Variants in EPHA6 observed in about 807,000 individuals in gnomAD.
EPHA6 encodes the protein ephrin type-A receptor 6.
Under a neutral mutation model 112.0 loss-of-function variants are expected in EPHA6, and 50 were observed. The observed-to-expected ratio is 0.45, with a 90% CI of 0.36 to 0.56. EPHA6 has a LOEUF of 0.56. EPHA6 is among the 20% of genes least tolerant of loss of function. The pLI, the probability that EPHA6 is intolerant of heterozygous loss-of-function variation, is 0.00. For synonymous variants in EPHA6, 529 were observed against 490.7 expected (o/e 1.08, Z -1.03); for missense variants, 1,280 against 1,417.4 (o/e 0.90, Z 1.56).
intron 7 of EPHA6, among the ~76,000 whole-genome samples, chr3:97,450,853 AAT>A (rs2090504356): frequency 6.6e-6 from 1 of 152,082 alleles, no homozygotes; most frequent in Admixed American, 6.6e-5. Flanking sequence ...TTAAATCAAA[AAT>A]ACAAGATTAG....
At chr3:97,723,663 A>G (rs1461504921) in intron 15 of EPHA6, among the ~76,000 whole-genome samples, 5 of 151,984 alleles carry the variant, frequency 3.3e-5, no homozygotes, top group South Asian at 2.1e-4. Context: ...TTCAAGCAAG[A>G]ATCTGGGAAA....
At chr3:97,457,557 A>T (rs1048467910) in intron 7 of EPHA6, among the ~76,000 whole-genome samples, 8 of 152,178 alleles carry the variant, frequency 5.3e-5, no homozygotes, top group African/African-American at 1.9e-4. Context: ...TTATGTCAAA[A>T]TATAAAAACA....
In EPHA6 at chr3:97,673,755, G is replaced by A. The variant is rs190361648; in HGVS notation, c.2784+35673G>A. On this transcript the variant is annotated intron_variant, in intron 14 of 17. Coordinates refer to ENST00000389672, the MANE Select transcript of EPHA6 (RefSeq NM_001080448.3). The stretch of plus-strand genomic sequence containing the variant: ...TGTCCAGGACTCAATGCGCTTCTGA[G>A]GGCATTGAGGAATGGAGGACTCATG... 1.2e-4 allele frequency among the ~76,000 whole-genome samples: 19 copies of A among 152,304 alleles called. No homozygotes were observed. The East Asian group carries it at 3.7e-3, about 29-fold the overall frequency.
intron 3 of EPHA6, among the ~76,000 whole-genome samples, chr3:97,048,842 G>A (rs1417899340): frequency 6.6e-6 from 1 of 152,072 alleles, no homozygotes; most frequent in Non-Finnish European, 1.5e-5. Context: ...AAAAACAAAT[G>A]CTGCAGAAAA....
intron 11 of EPHA6, among the ~76,000 whole-genome samples, chr3:97,573,202 G>A (rs1405447078): frequency 6.6e-6 from 1 of 152,144 alleles, no homozygotes; most frequent in Non-Finnish European, 1.5e-5. Context: ...ATAATTGTTG[G>A]ATTATTTAAA....
intron 2 of EPHA6, among the ~76,000 whole-genome samples, chr3:96,886,312 A>G (rs1293826049): frequency 6.6e-6 from 1 of 152,032 alleles, no homozygotes; most frequent in East Asian, 1.9e-4. Flanking sequence ...TATCTGTCTC[A>G]TTTCTTAGGT....
rs144107230 is a variant in EPHA6, at chr3:97,109,662, C to T, written c.1115-116602C>T. On this transcript the variant is annotated intron_variant, in intron 3 of 17. Transcript: ENST00000389672. The stretch of plus-strand genomic sequence containing the variant: ...CAGCACGGTGAGAAGCACAAAACTC[C>T]GAGATGGAGATGTCAAGAAGATGTG... Among the ~76,000 whole-genome samples the T allele has an allele frequency of 7.9e-5, 12 of 152,148 alleles. No individual in the cohort carries two copies. The East Asian group carries it at 1.9e-3, about 25-fold the overall frequency.
At chr3:97,347,116 C>T (rs1364660219) in intron 5 of EPHA6, among the ~76,000 whole-genome samples, 2 of 152,062 alleles carry the variant, frequency 1.3e-5, no homozygotes, top group Non-Finnish European at 2.9e-5. Flanking sequence ...TATTTAACAC[C>T]TCCTCTTCCC....
chr3:97,135,117 T>C (rs2075734345), intron 3 of EPHA6, among the ~76,000 whole-genome samples: 1 of 152,146 alleles, frequency 6.6e-6, no homozygotes, highest in Admixed American at 6.6e-5. Flanking sequence ...TGAGAGATGA[T>C]ACCTAGATGA....
intron 11 of EPHA6, among the ~76,000 whole-genome samples, chr3:97,561,562 G>C (rs1560139852): frequency 6.6e-6 from 1 of 152,026 alleles, no homozygotes; most frequent in East Asian, 1.9e-4. Flanking sequence ...AGCTACCAGA[G>C]ATTGCTTTAT....
intron 3 of EPHA6, among the ~76,000 whole-genome samples, chr3:97,078,094 T>C (rs2046595978): frequency 6.6e-6 from 1 of 152,180 alleles, no homozygotes; most frequent in Admixed American, 6.5e-5. Context: ...TTCTAACTGG[T>C]GTGAGATGGT....
chr3:97,520,623 T>G (rs1218257748), intron 10 of EPHA6, among the ~76,000 whole-genome samples: 1 of 152,226 alleles, frequency 6.6e-6, no homozygotes, highest in Non-Finnish European at 1.5e-5. Context: ...ACTTTTCTTT[T>G]GCTGTTTTCA....
At chr3:96,852,129 C>A (rs551105694) in intron 1 of EPHA6, among the ~76,000 whole-genome samples, 1 of 152,180 alleles carries the variant, frequency 6.6e-6, no homozygotes, top group Non-Finnish European at 1.5e-5. Flanking sequence ...TCTGGAGCAA[C>A]TGGAGTTTTA....
chr3:97,097,861 T>TG (rs2047287698), intron 3 of EPHA6, among the ~76,000 whole-genome samples: 1 of 151,854 alleles, frequency 6.6e-6, no homozygotes, highest in Non-Finnish European at 1.5e-5. Flanking sequence ...AAGTAGGCAA[T>TG]GGTTATTAAA....
At chr3:97,173,373 A>G (rs1030465794) in intron 3 of EPHA6, among the ~76,000 whole-genome samples, 2 of 151,894 alleles carry the variant, frequency 1.3e-5, no homozygotes, top group Non-Finnish European at 3.0e-5. Context: ...CCAATGTGGA[A>G]AAAATATTTA....
chr3:97,303,902 T>C (rs1405226158), intron 5 of EPHA6, among the ~76,000 whole-genome samples: 1 of 152,058 alleles, frequency 6.6e-6, no homozygotes, highest in Non-Finnish European at 1.5e-5. Flanking sequence ...TTTGTTTATG[T>C]CCTCTCTTAT....
chr3:97,660,170 T>C (rs556110675), intron 14 of EPHA6, among the ~76,000 whole-genome samples: 2 of 152,192 alleles, frequency 1.3e-5, no homozygotes, highest in South Asian at 4.1e-4. Context: ...CCATATATAA[T>C]AGCATTCATT....
intron 1 of EPHA6, among the ~76,000 whole-genome samples, chr3:96,866,572 T>A (rs2036325907): frequency 6.6e-6 from 1 of 151,846 alleles, no homozygotes; most frequent in African/African-American, 2.4e-5. Flanking sequence ...TGTTTAATAA[T>A]TTCATTTAGC....
chr3:96,938,674 CCT>C lies in EPHA6; in HGVS notation c.451-48655_451-48654del, dbSNP rs1301111447. Among the ~76,000 whole-genome samples, 7 of 151,410 alleles carry C rather than the reference CCT, an allele frequency of 4.6e-5. No homozygotes were observed. In the East Asian group the frequency reaches 1.4e-3, roughly 29 times the overall value. On this transcript the variant is annotated intron_variant, in intron 2 of 17. Coordinates refer to ENST00000389672, the MANE Select transcript of EPHA6 (RefSeq NM_001080448.3). ...AATAGGAGTGGTGAGAGAGGGCATC[CCT>C]GTCTTGTGCCAGTTTTCAAAGGGAA... is the stretch of plus-strand genomic sequence containing the variant.
Sources: allele counts gnomAD v4.1 joint callset (sites outside exome capture counted in the v4.1 genomes callset), GRCh38; gene constraint gnomAD v4.1.1; transcripts MANE v1.5; gene names NCBI Gene and HGNC (gene_info 2026-07-23, HGNC 2026-07-21).